ING4: variants seen among roughly 807,000 people sequenced by gnomAD.
ING4 encodes inhibitor of growth family member 4.
In ING4, 28 loss-of-function variants were observed where a neutral mutation model predicts 33.1. The observed-to-expected ratio is 0.85, with a 90% CI of 0.63 to 1.16. The LOEUF (loss-of-function observed/expected upper bound fraction) is 1.16, where lower values mean the gene tolerates loss of function less well. Among genes scored for constraint, ING4 ranks in the 50% most tolerant of loss-of-function variants. The pLI, the probability that ING4 is intolerant of heterozygous loss-of-function variation, is 0.00. For synonymous variants in ING4, 87 were observed against 104.4 expected, an observed-to-expected ratio of 0.83 and a Z score of 1.02; for missense variants, 247 against 314.7, an observed-to-expected ratio of 0.78 and a Z score of 1.63.
At chr12:6,659,812 CA>C (rs35710003) in intron 1 of ING4, among the ~76,000 whole-genome samples, 9,697 of 75,086 alleles carry the variant, frequency 0.13, 458 homozygotes, top group African/African-American at 0.24. Context: ...GACTCTGTCT[CA>C]AAAAAAAAAA....
At position 6,652,928 on chromosome 12, in the gene ING4, C is replaced by G. The variant is rs751750008; in HGVS notation, c.391+8G>C. 1.2e-6 allele frequency: 2 copies of G among 1,609,730 alleles called. No homozygotes were observed. Among genetic ancestry groups the G allele is most frequent in the Non-Finnish European group, 1.7e-6 (2 of 1,176,106 alleles). On this transcript the variant is annotated splice_region_variant and intron_variant, in intron 4 of 7. Transcript: ENST00000341550. ...GCCCCACCTCTCACAGCCCCGCCCC[C>G]TCCTCACTCTTTTTGCCTTTGCTGG...
chr12:6,652,839 T>C (rs1485200024), intron 4 of ING4, 72 bp from the exon 5 acceptor site: 1 of 1,569,982 alleles, frequency 6.4e-7, no homozygotes, highest in African/African-American at 1.4e-5. Flanking sequence ...TCTCTCCCCC[T>C]TTCCAACCTG....
chr12:6,662,591 C>T (rs1438927236), intron 1 of ING4, among the ~76,000 whole-genome samples: 1 of 152,188 alleles, frequency 6.6e-6, no homozygotes, highest in Non-Finnish European at 1.5e-5. Context: ...TAGATCTTTA[C>T]TCCATGAAGA....
intron 1 of ING4, among the ~76,000 whole-genome samples, chr12:6,661,743 A>C (rs1949561304): frequency 6.6e-6 from 1 of 151,974 alleles, no homozygotes; most frequent in Non-Finnish European, 1.5e-5. Context: ...CTCACTTTCT[A>C]AGCAGGAAGA....
At position 6,651,118 on chromosome 12, in the gene ING4, C is replaced by T; in HGVS notation, c.*77G>A. 6.6e-7 allele frequency: 1 copy of T among 1,507,766 alleles called. No individual in the cohort carries two copies. The highest frequency in any genetic ancestry group is 9.2e-7 in the Non-Finnish European group (1 of 1,084,932). 93.4% of individuals were successfully genotyped at this position (1,507,766 alleles called of 1,614,324 possible). ...CCACTCCTCCCTGAACCCCTGGCCC[C>T]AGCACAGGCATTCCTCTGCCCACTA... On this transcript the variant is annotated 3_prime_UTR_variant, in exon 8 of 8. Coordinates refer to ENST00000341550, the MANE Select transcript of ING4 (RefSeq NM_016162.4).
chr12:6,663,078 T>C lies in ING4; in HGVS notation c.24A>G (p.Glu8=). 3 of 1,614,082 alleles carry C rather than the reference T, an allele frequency of 1.9e-6. No homozygotes were observed. In the South Asian group the frequency reaches 3.3e-5, roughly 18 times the overall value. ...GCCTGCTCTTACTGTCCAGATAATG[T>C]TCCAAATACATCCCCGCAGCCATCT... MAAGMYL[E]HYLDSIENLP... Residue 8 remains glutamate (E), a synonymous_variant, in exon 1 of 8, where the codon GAA becomes GAG. Coordinates refer to ENST00000341550, the MANE Select transcript of ING4 (RefSeq NM_016162.4).
chr12:6,657,651 G>A (rs1047458380), intron 1 of ING4, among the ~76,000 whole-genome samples: 6 of 151,384 alleles, frequency 4.0e-5, no homozygotes, highest in South Asian at 2.1e-4. Context: ...AGCTCTTCCC[G>A]TCAGGTGTGG....
chr12:6,654,730 G>GT (rs1227310879), intron 2 of ING4, among the ~76,000 whole-genome samples: 8 of 151,506 alleles, frequency 5.3e-5, no homozygotes, highest in Admixed American at 4.6e-4. Context: ...CTCCAAACAC[G>GT]TTTTTTTGTT....
chr12:6,651,266 G>GA (rs1476392340), intron 7 of ING4, 32 bp from the exon 8 acceptor site: 3 of 1,613,918 alleles, frequency 1.9e-6, no homozygotes, highest in Non-Finnish European at 2.5e-6. Flanking sequence ...AAAAGTGAGT[G>GA]AAAGGGAGAA....
At chr12:6,651,663 T>C (rs1949183945) in intron 6 of ING4, among the ~76,000 whole-genome samples, 1 of 151,566 alleles carries the variant, frequency 6.6e-6, no homozygotes, top group African/African-American at 2.4e-5. Flanking sequence ...TGCCTCAGCC[T>C]CCCAAGCAGC....
chr12:6,660,807 CTGAG>C (rs1459283565), intron 1 of ING4, among the ~76,000 whole-genome samples: 1 of 151,882 alleles, frequency 6.6e-6, no homozygotes, highest in Non-Finnish European at 1.5e-5. Context: ...CTTTTCTCCG[CTGAG>C]TAACTTTCTT....
chr12:6,653,476 C>A, intron 2 of ING4, 80 bp from the exon 3 acceptor site: 1 of 1,370,464 alleles, frequency 7.3e-7, no homozygotes. Flanking sequence ...GTTCTTTGGA[C>A]CTTTTCCATT....
intron 1 of ING4, among the ~76,000 whole-genome samples, chr12:6,659,340 G>A (rs1949472032): frequency 6.6e-6 from 1 of 151,890 alleles, no homozygotes; most frequent in Non-Finnish European, 1.5e-5. Context: ...TGGCTCACTT[G>A]AAGCCAGGAG....
chr12:6,654,326 T>C (rs918984143), intron 2 of ING4, among the ~76,000 whole-genome samples: 19 of 150,950 alleles, frequency 1.3e-4, no homozygotes, highest in Admixed American at 4.6e-4. Flanking sequence ...GCTCACTCTA[T>C]TTTTCTTTTT....
rs1327540652 is a variant in ING4, at chr12:6,660,938, G to A, written c.37+2127C>T. Among the ~76,000 whole-genome samples the A allele has an allele frequency of 7.3e-5, 11 of 150,966 alleles. No individual in the cohort carries two copies. In the East Asian group the frequency reaches 7.9e-4, roughly 11 times the overall value. On this transcript the variant is annotated intron_variant, in intron 1 of 7. Coordinates refer to ENST00000341550, the MANE Select transcript of ING4 (RefSeq NM_016162.4). ...CTCCCAAGTAGCTGGGATTACAGGC[G>A]TCTGCCACCACGCCCAGCTAATTTT...
At chr12:6,659,812 CAA>C (rs35710003) in intron 1 of ING4, among the ~76,000 whole-genome samples, 32 of 75,086 alleles carry the variant, frequency 4.3e-4, no homozygotes, top group African/African-American at 7.7e-4. Flanking sequence ...GACTCTGTCT[CAA>C]AAAAAAAAAA....
chr12:6,650,433 G>A lies in ING4; in HGVS notation c.*762C>T, dbSNP rs1173383843. ...CCAGCACCTCTGTCTTTCCCAAGTT[G>A]AGAACTTACAAGTTCTCGGACAGAG... On this transcript the variant is annotated 3_prime_UTR_variant, in exon 8 of 8. Coordinates refer to ENST00000341550, the MANE Select transcript of ING4 (RefSeq NM_016162.4). 3 of 152,516 alleles carry A rather than the reference G, an allele frequency of 2.0e-5. No homozygotes were observed. The highest frequency in any genetic ancestry group is 4.8e-5 in the African/African-American group (2 of 41,448). 9.4% of individuals were successfully genotyped at this position (152,516 alleles called of 1,614,324 possible).
intron 2 of ING4, among the ~76,000 whole-genome samples, chr12:6,654,294 TA>T (rs2136269136): frequency 6.6e-6 from 1 of 152,062 alleles, no homozygotes; most frequent in African/African-American, 2.4e-5. Context: ...AACATCCATG[TA>T]ACAATTCTGC....
Position 6,651,985 on chromosome 12 carries a change from G to C in ING4, c.645+286C>G, listed in dbSNP as rs115021376. 1.8e-3 allele frequency among the ~76,000 whole-genome samples: 270 copies of C among 150,160 alleles called. 1 individual carries two copies. Among genetic ancestry groups the C allele is most frequent in the African/African-American group, 6.3e-3 (257 of 40,700 alleles). On this transcript the variant is annotated intron_variant, in intron 6 of 7. Transcript: ENST00000341550. ...CTCCTGCCTCTCGCCTCAGCCTCCCGAGTAGCTGGGATGACAGTCGTGTGC... is the reference window on the plus strand; with the variant it reads ...CTCCTGCCTCTCGCCTCAGCCTCCCCAGTAGCTGGGATGACAGTCGTGTGC...
Sources: allele counts gnomAD v4.1 joint callset (sites outside exome capture counted in the v4.1 genomes callset), GRCh38; gene constraint gnomAD v4.1.1; transcripts MANE v1.5; gene names NCBI Gene and HGNC (gene_info 2026-07-23, HGNC 2026-07-21).